The following TRERF1 variants were observed in gnomAD, a reference collection of about 807,000 sequenced individuals.
The protein encoded by TRERF1 is transcriptional-regulating factor 1.
A neutral mutation model predicts 122.9 loss-of-function variants in TRERF1; 27 were observed. The ratio of observed to expected loss-of-function variants is 0.22; its 90% CI spans 0.16 to 0.30. The LOEUF is 0.30. Ranked by LOEUF, TRERF1 falls within the 10% of genes least tolerant of loss-of-function variation. The pLI, the probability that TRERF1 is intolerant of heterozygous loss-of-function variation, is 1.00. For synonymous variants in TRERF1, 636 were observed against 641.7 expected (o/e 0.99, Z 0.13); for missense variants, 1,248 against 1,560.3 (o/e 0.80, Z 3.37).
intron 4 of TRERF1, among the ~76,000 whole-genome samples, chr6:42,271,479 G>C (rs984077046): frequency 2.6e-5 from 4 of 152,046 alleles, no homozygotes; most frequent in Admixed American, 2.0e-4. Flanking sequence ...GACCTGGATG[G>C]TAACTGCATG....
chr6:42,255,001 G>A (rs561043834), intron 12 of TRERF1, 75 bp from the exon 13 acceptor site: 5 of 1,484,524 alleles, frequency 3.4e-6, no homozygotes, highest in South Asian at 2.3e-5. Flanking sequence ...TCTACCCAAA[G>A]GGGAAAAGCG....
intron 2 of TRERF1, among the ~76,000 whole-genome samples, chr6:42,401,590 C>G (rs1013794674): frequency 1.3e-5 from 2 of 152,152 alleles, no homozygotes; most frequent in African/African-American, 4.8e-5. Context: ...ATTTCAAACT[C>G]CATGAGACCC....
intron 2 of TRERF1, among the ~76,000 whole-genome samples, chr6:42,438,185 G>A (rs1785788246): frequency 6.6e-6 from 1 of 151,326 alleles, no homozygotes; most frequent in South Asian, 2.1e-4. Context: ...GCCTCCCAAA[G>A]TGCTGGGATT....
intron 2 of TRERF1, among the ~76,000 whole-genome samples, chr6:42,367,572 G>T (rs1314188899): frequency 1.3e-5 from 2 of 152,094 alleles, no homozygotes; most frequent in Non-Finnish European, 2.9e-5. Flanking sequence ...CACTCCCACC[G>T]CACCAAGATC....
chr6:42,308,957 C>T (rs1017309267), intron 3 of TRERF1, among the ~76,000 whole-genome samples: 2 of 61,224 alleles, frequency 3.3e-5, no homozygotes, highest in Admixed American at 1.5e-4. Context: ...ACATTTTTTA[C>T]GTGAAAAAAA....
intron 2 of TRERF1, among the ~76,000 whole-genome samples, chr6:42,364,901 C>T (rs1239491518): frequency 6.6e-6 from 1 of 152,144 alleles, no homozygotes; most frequent in Non-Finnish European, 1.5e-5. Context: ...GTCCCAGGGG[C>T]CGCAGGAAGC....
At chr6:42,351,427 G>A (rs759363979) in intron 3 of TRERF1, among the ~76,000 whole-genome samples, 4 of 152,106 alleles carry the variant, frequency 2.6e-5, no homozygotes, top group Admixed American at 6.5e-5. Context: ...ATAATATGTC[G>A]GCTTTAAAAC....
chr6:42,252,821 AG>A (rs1412181548), intron 13 of TRERF1, among the ~76,000 whole-genome samples: 2 of 152,210 alleles, frequency 1.3e-5, no homozygotes, highest in Non-Finnish European at 2.9e-5. Flanking sequence ...AACTTCTAGA[AG>A]ATTCTCTGAG....
At chr6:42,447,749 G>A (rs1787786670) in intron 2 of TRERF1, among the ~76,000 whole-genome samples, 1 of 152,148 alleles carries the variant, frequency 6.6e-6, no homozygotes, top group Non-Finnish European at 1.5e-5. Flanking sequence ...CTGTCACCCA[G>A]GCTGGAGTGC....
At chr6:42,378,741 C>G (rs1199898247) in intron 2 of TRERF1, among the ~76,000 whole-genome samples, 2 of 152,090 alleles carry the variant, frequency 1.3e-5, no homozygotes, top group Non-Finnish European at 2.9e-5. Flanking sequence ...CCAAGGCTAC[C>G]CACAAAAAAG....
chr6:42,382,360 G>T (rs965306921), intron 2 of TRERF1, among the ~76,000 whole-genome samples: 5 of 150,834 alleles, frequency 3.3e-5, no homozygotes, highest in Non-Finnish European at 7.4e-5. Flanking sequence ...CCCGTGTCTA[G>T]AGTATCCTTA....
intron 2 of TRERF1, among the ~76,000 whole-genome samples, chr6:42,425,779 G>A (rs1783554771): frequency 6.7e-6 from 1 of 149,410 alleles, no homozygotes; most frequent in African/African-American, 2.5e-5. Context: ...TCCTGACCTC[G>A]TGATCCGCCC....
At chr6:42,283,879 G>A (rs9349228) in intron 4 of TRERF1, among the ~76,000 whole-genome samples, 27,521 of 152,030 alleles carry the variant, frequency 0.18, 3,111 homozygotes, top group East Asian at 0.32. Flanking sequence ...ACCTCCCAAA[G>A]TGCTGGGATT....
At chr6:42,438,407 C>A (rs1350716327) in intron 2 of TRERF1, among the ~76,000 whole-genome samples, 1 of 150,812 alleles carries the variant, frequency 6.6e-6, no homozygotes, top group African/African-American at 2.4e-5. Context: ...GTCAGGAGTT[C>A]GAGACCAGCC....
intron 15 of TRERF1, among the ~76,000 whole-genome samples, chr6:42,238,252 G>A (rs1352105333): frequency 6.6e-6 from 1 of 152,094 alleles, no homozygotes; most frequent in African/African-American, 2.4e-5. Flanking sequence ...TTTGTTTCAT[G>A]GTATTTGTTA....
chr6:42,339,285 C>T (rs750302539), intron 3 of TRERF1, among the ~76,000 whole-genome samples: 3 of 152,214 alleles, frequency 2.0e-5, no homozygotes, highest in African/African-American at 4.8e-5. Flanking sequence ...CTGTCCTCCA[C>T]GTCTCTCCTT....
chr6:42,398,483 C>T (rs978250774), intron 2 of TRERF1, among the ~76,000 whole-genome samples: 2 of 152,152 alleles, frequency 1.3e-5, no homozygotes, highest in African/African-American at 4.8e-5. Flanking sequence ...GCCATCTTTG[C>T]ATCTCTCAAC....
At chr6:42,231,508 T>G (rs532575753) in intron 17 of TRERF1, among the ~76,000 whole-genome samples, 26 of 152,316 alleles carry the variant, frequency 1.7e-4, no homozygotes, top group African/African-American at 5.1e-4. Flanking sequence ...GCCTTGCTGA[T>G]GTAACTAGGG....
intron 4 of TRERF1, among the ~76,000 whole-genome samples, chr6:42,281,968 T>C (rs1356961680): frequency 1.3e-5 from 2 of 152,132 alleles, no homozygotes; most frequent in Non-Finnish European, 2.9e-5. Context: ...TGCATCCCCT[T>C]AGGAACATCT....
Sources: gnomAD v4.1 joint callset for allele counts (sites outside exome capture counted in the v4.1 genomes callset) on GRCh38, gnomAD v4.1.1 for gene constraint, MANE v1.5 for transcripts, NCBI Gene and HGNC (gene_info 2026-07-23, HGNC 2026-07-21) for gene names.